Variants in AFTPH observed in about 807,000 individuals in gnomAD.
AFTPH encodes the protein aftiphilin protein.
In AFTPH, 7 loss-of-function variants were observed where a neutral mutation model predicts 72.5. The observed-to-expected ratio is 0.10, with a 90% CI of 0.05 to 0.18. The LOEUF is 0.18. Among genes scored for constraint, AFTPH ranks in the 10% least tolerant of loss-of-function variants. The pLI is 1.00. For missense variants in AFTPH, 979 were observed against 1,060.5 expected (o/e 0.92, Z 1.07); for synonymous variants, 337 against 370.1 (o/e 0.91, Z 1.03).
intron 1 of AFTPH, among the ~76,000 whole-genome samples, chr2:64,532,354 T>G (rs1279355042): frequency 6.6e-6 from 1 of 152,188 alleles, no homozygotes; most frequent in East Asian, 1.9e-4. Flanking sequence ...AAAAAAATCT[T>G]TATCACAAGA....
intron 6 of AFTPH, among the ~76,000 whole-genome samples, chr2:64,574,859 C>G (rs1489185340): frequency 6.6e-6 from 1 of 152,210 alleles, no homozygotes; most frequent in Non-Finnish European, 1.5e-5. Flanking sequence ...TCTGCCCTGT[C>G]TATGCATATT....
chr2:64,591,395 G>A (rs1009483124), intron 8 of AFTPH, among the ~76,000 whole-genome samples: 2 of 152,226 alleles, frequency 1.3e-5, no homozygotes, highest in African/African-American at 4.8e-5. Flanking sequence ...TTCTCTCCTG[G>A]AATTCCCCAC....
intron 8 of AFTPH, 151 bp from the exon 10 acceptor site, chr2:64,591,737 C>T: frequency 2.5e-6 from 2 of 785,370 alleles, no homozygotes; most frequent in Non-Finnish European, 2.0e-6. Flanking sequence ...GCATACTGCA[C>T]AAAAGTATTA....
chr2:64,551,135 G>A (rs1482146899), intron 1 of AFTPH, among the ~76,000 whole-genome samples: 2 of 152,032 alleles, frequency 1.3e-5, no homozygotes, highest in Non-Finnish European at 2.9e-5. Flanking sequence ...CTGTACTTTT[G>A]TAAGTGTATA....
chr2:64,573,094 T>A (rs766948116), intron 6 of AFTPH, 26 bp downstream of exon 6: 1 of 1,570,254 alleles, frequency 6.4e-7, no homozygotes, highest in Non-Finnish European at 8.8e-7. Flanking sequence ...TGTGTATAAA[T>A]ATGTTTATGC....
chr2:64,584,857 A>C (rs954512444), intron 7 of AFTPH, among the ~76,000 whole-genome samples: 1 of 152,038 alleles, frequency 6.6e-6, no homozygotes. Flanking sequence ...CGGCCTCCCA[A>C]AGTGCTGGGA....
At chr2:64,569,625 C>T in exon 5 of AFTPH, 1 of 1,613,680 alleles carries the variant, frequency 6.2e-7, no homozygotes, top group Non-Finnish European at 8.5e-7. Context: ...GTGTGTAGCT[C>T]TTCACGGGCA....
At chr2:64,565,769 C>T (rs190333842) in intron 2 of AFTPH, among the ~76,000 whole-genome samples, 94 of 152,292 alleles carry the variant, frequency 6.2e-4, no homozygotes, top group Non-Finnish European at 9.6e-4. Flanking sequence ...TCTTATTCAA[C>T]GTAAGATTTG....
chr2:64,576,129 CAAATG>C (rs1672779905), intron 6 of AFTPH, among the ~76,000 whole-genome samples: 1 of 129,866 alleles, frequency 7.7e-6, no homozygotes, highest in African/African-American at 3.2e-5. Context: ...GTGTGTCATA[CAAATG>C]AAATACGTGT....
At position 64,524,334 on chromosome 2, in the gene AFTPH, T is replaced by C; in HGVS notation, c.-311T>C. ...CGGCGGCAGCGGTTCCCCCGCTGCA[T>C]GATGGGAGAGTGTGTGGAGTGGGCG... On this transcript the variant is annotated 5_prime_UTR_variant, in exon 1 of 9. The change abolishes an upstream ATG in the 5' untranslated region. Transcript: ENST00000238856. 2.5e-6 allele frequency: 1 copy of C among 399,752 alleles called. No individual in the cohort carries two copies. The highest frequency in any genetic ancestry group is 4.4e-5 in the Admixed American group (1 of 22,734). 24.8% of individuals were successfully genotyped at this position (399,752 alleles called of 1,614,324 possible).
At chr2:64,548,665 A>C (rs141061610) in intron 1 of AFTPH, among the ~76,000 whole-genome samples, 1 of 152,270 alleles carries the variant, frequency 6.6e-6, no homozygotes, top group East Asian at 1.9e-4. Flanking sequence ...ACAATCGCAA[A>C]GTGATTTTAA....
intron 8 of AFTPH, among the ~76,000 whole-genome samples, chr2:64,588,558 T>A (rs1573053317): frequency 6.6e-6 from 1 of 152,342 alleles, no homozygotes; most frequent in East Asian, 1.9e-4. Flanking sequence ...ACATTCCAAG[T>A]TCTCCACATT....
intron 8 of AFTPH, among the ~76,000 whole-genome samples, chr2:64,590,743 A>G (rs1051428745): frequency 4.6e-5 from 7 of 152,200 alleles, no homozygotes; most frequent in Admixed American, 3.3e-4. Flanking sequence ...TTTAGTCCTA[A>G]AAGTCGTTGG....
chr2:64,591,519 G>A (rs554060263), intron 8 of AFTPH, among the ~76,000 whole-genome samples: 2 of 152,310 alleles, frequency 1.3e-5, no homozygotes, highest in African/African-American at 4.8e-5. Context: ...CAGTTAGGTG[G>A]AGTGTTACTA....
At chr2:64,552,219 G>A in exon 2 of AFTPH, 1 of 1,613,866 alleles carries the variant, frequency 6.2e-7, no homozygotes, top group Non-Finnish European at 8.5e-7. Context: ...AGAAGAAATA[G>A]AATGTGCAGT....
chr2:64,562,832 C>A (rs1487086474), intron 2 of AFTPH, among the ~76,000 whole-genome samples: 1 of 152,172 alleles, frequency 6.6e-6, no homozygotes, highest in East Asian at 1.9e-4. Flanking sequence ...CTTTCCTGAA[C>A]TGGGTTAAAA....
chr2:64,524,551 G>T (rs1415554483), exon 1 of AFTPH: 2 of 399,076 alleles, frequency 5.0e-6, no homozygotes, highest in African/African-American at 4.1e-5. Flanking sequence ...TCCTTCCCCG[G>T]GGAGTCAGTT....
chr2:64,551,303 C>T, intron 1 of AFTPH, 140 bp from the exon 2 acceptor site: 4 of 630,122 alleles, frequency 6.3e-6, no homozygotes, highest in Non-Finnish European at 1.0e-5. Context: ...AAACATCATG[C>T]AGGACATGGT....
chr2:64,551,413 C>T lies in AFTPH; in HGVS notation c.-32-30C>T, dbSNP rs1671040927. 5 of 1,513,322 alleles carry T rather than the reference C, an allele frequency of 3.3e-6. No individual in the cohort carries two copies. The South Asian group carries it at 6.6e-5, about 20-fold the overall frequency. 93.7% of individuals were successfully genotyped at this position (1,513,322 alleles called of 1,614,324 possible). A position where few individuals can be genotyped will look rare whatever the true frequency, so the allele number is the denominator to read the frequency against. ...GATCTTGTTCTATGTAATCTGTCCC[C>T]TCCAAAAATTCTTTTTTTCTTTTTT... is the stretch of plus-strand genomic sequence containing the variant. On this transcript the variant is annotated intron_variant, in intron 1 of 8. Transcript: ENST00000238856.
Sources: allele counts gnomAD v4.1 joint callset (sites outside exome capture counted in the v4.1 genomes callset), GRCh38; gene constraint gnomAD v4.1.1; transcripts MANE v1.5; gene names NCBI Gene and HGNC (gene_info 2026-07-23, HGNC 2026-07-21).